GALNT17: variants seen among roughly 807,000 people sequenced by gnomAD.
GALNT17 encodes polypeptide N-acetylgalactosaminyltransferase 17.
Under a neutral mutation model 63.7 loss-of-function variants are expected in GALNT17, and 29 were observed. The observed-to-expected ratio is 0.46, with a 90% CI of 0.34 to 0.62. GALNT17 has a LOEUF of 0.62. GALNT17 is among the 20% of genes least tolerant of loss of function. The pLI is 0.01. For missense variants in GALNT17, 603 were observed against 799.6 expected, an observed-to-expected ratio of 0.75 and a Z score of 2.97; for synonymous variants, 305 against 318.3, an observed-to-expected ratio of 0.96 and a Z score of 0.45.
At chr7:71,151,260 G>A (rs1186491892) in intron 1 of GALNT17, among the ~76,000 whole-genome samples, 1 of 152,206 alleles carries the variant, frequency 6.6e-6, no homozygotes, top group Non-Finnish European at 1.5e-5. Flanking sequence ...GGGGGATGGT[G>A]AGATGGTTGG....
intron 6 of GALNT17, among the ~76,000 whole-genome samples, chr7:71,636,819 T>C (rs372471742): frequency 5.9e-5 from 9 of 152,260 alleles, no homozygotes; most frequent in Admixed American, 5.9e-4. Flanking sequence ...GGTTTTGCCA[T>C]GTGAGTGCAG....
At chr7:71,484,110 T>C (rs1015430270) in intron 5 of GALNT17, among the ~76,000 whole-genome samples, 1 of 152,184 alleles carries the variant, frequency 6.6e-6, no homozygotes, top group African/African-American at 2.4e-5. Flanking sequence ...TTTGTATAAA[T>C]AGAAGGAACA....
At chr7:71,481,262 C>G (rs1416856019) in intron 5 of GALNT17, among the ~76,000 whole-genome samples, 2 of 152,108 alleles carry the variant, frequency 1.3e-5, no homozygotes. Flanking sequence ...GCCTGGCCAA[C>G]ATGGTGAAAC....
chr7:71,432,653 G>T (rs1030111826), intron 5 of GALNT17, among the ~76,000 whole-genome samples: 1 of 152,126 alleles, frequency 6.6e-6, no homozygotes, highest in Non-Finnish European at 1.5e-5. Context: ...GATACTGAAG[G>T]TGGGAAATAT....
At chr7:71,514,812 C>T (rs1373747085) in intron 5 of GALNT17, among the ~76,000 whole-genome samples, 2 of 152,158 alleles carry the variant, frequency 1.3e-5, no homozygotes, top group Admixed American at 6.5e-5. Flanking sequence ...AGAGCCTGAC[C>T]ACCTGATATG....
intron 5 of GALNT17, among the ~76,000 whole-genome samples, chr7:71,537,674 T>C (rs1788823014): frequency 6.6e-6 from 1 of 151,832 alleles, no homozygotes; most frequent in Non-Finnish European, 1.5e-5. Flanking sequence ...TAGCCAGGCG[T>C]TGGTGGCACG....
chr7:71,452,325 C>A (rs1787277027), intron 5 of GALNT17, among the ~76,000 whole-genome samples: 1 of 151,720 alleles, frequency 6.6e-6, no homozygotes, highest in Non-Finnish European at 1.5e-5. Context: ...GTGGGAGGAT[C>A]ACTTGAGGTC....
intron 6 of GALNT17, among the ~76,000 whole-genome samples, chr7:71,651,026 G>A (rs1293315871): frequency 6.6e-6 from 1 of 152,072 alleles, no homozygotes; most frequent in Non-Finnish European, 1.5e-5. Context: ...GCATCAGGCT[G>A]GGTGCTGGGA....
intron 2 of GALNT17, among the ~76,000 whole-genome samples, chr7:71,354,335 TTAAG>T (rs1432409095): frequency 2.0e-5 from 3 of 152,210 alleles, no homozygotes; most frequent in East Asian, 3.9e-4. Context: ...GTGTTTCTCA[TTAAG>T]TAAGATGCTA....
chr7:71,543,822 T>G (rs1788934316), intron 5 of GALNT17, among the ~76,000 whole-genome samples: 1 of 151,420 alleles, frequency 6.6e-6, no homozygotes, highest in South Asian at 2.1e-4. Context: ...AGATGGAGTC[T>G]TGTTCTGTTG....
chr7:71,372,744 T>G (rs1792647877), intron 2 of GALNT17, among the ~76,000 whole-genome samples: 1 of 152,266 alleles, frequency 6.6e-6, no homozygotes, highest in Non-Finnish European at 1.5e-5. Flanking sequence ...TGTGAGCCAC[T>G]GCCCCCGGCC....
intron 1 of GALNT17, among the ~76,000 whole-genome samples, chr7:71,245,215 A>T (rs1392339337): frequency 6.6e-6 from 1 of 152,122 alleles, no homozygotes; most frequent in African/African-American, 2.4e-5. Context: ...CGACAATAAT[A>T]TGACTGAAGT....
intron 5 of GALNT17, among the ~76,000 whole-genome samples, chr7:71,457,944 A>G (rs1256430377): frequency 6.6e-6 from 1 of 152,160 alleles, no homozygotes; most frequent in Non-Finnish European, 1.5e-5. Flanking sequence ...CATTTTATCC[A>G]GAACAGCAGG....
At chr7:71,245,578 G>GT (rs1791355774) in intron 1 of GALNT17, among the ~76,000 whole-genome samples, 1 of 152,142 alleles carries the variant, frequency 6.6e-6, no homozygotes, top group South Asian at 2.1e-4. Flanking sequence ...ATCTCTGGGC[G>GT]TATGTGCAAC....
Position 71,133,009 on chromosome 7 carries a change from G to C in GALNT17, c.207G>C (p.Leu69=). The C allele has an allele frequency of 6.3e-7, 1 of 1,594,044 alleles. No individual in the cohort carries two copies. Among genetic ancestry groups the C allele is most frequent in the Non-Finnish European group, 8.5e-7 (1 of 1,171,006 alleles). Residue 69 remains leucine, a synonymous_variant, in exon 1 of 11, where the codon CTG becomes CTC. Transcript: ENST00000333538. ...ATGCGGTCCTGAAGCGCCTGTCGCT[G>C]CTGGAGGACATCGTGTACCGGCAGC... ...IQDAVLKRLS[L]LEDIVYRQLN...
At chr7:71,428,861 G>T (rs1289827269) in intron 5 of GALNT17, among the ~76,000 whole-genome samples, 2 of 152,208 alleles carry the variant, frequency 1.3e-5, no homozygotes, top group Non-Finnish European at 2.9e-5. Flanking sequence ...GGGCTCCCCT[G>T]TGTTCCAGAG....
At chr7:71,271,955 C>G (rs1322342701) in intron 1 of GALNT17, among the ~76,000 whole-genome samples, 4 of 152,142 alleles carry the variant, frequency 2.6e-5, no homozygotes, top group Non-Finnish European at 4.4e-5. Flanking sequence ...GATGGGGTCT[C>G]CCTATGTTGG....
chr7:71,397,576 G>T (rs1006747463), intron 3 of GALNT17, among the ~76,000 whole-genome samples: 3 of 152,204 alleles, frequency 2.0e-5, no homozygotes, highest in African/African-American at 7.2e-5. Flanking sequence ...AGGTACATTT[G>T]CAGGAGCAGT....
At chr7:71,158,386 C>G (rs915577344) in intron 1 of GALNT17, among the ~76,000 whole-genome samples, 4 of 151,234 alleles carry the variant, frequency 2.6e-5, no homozygotes, top group Non-Finnish European at 1.5e-5. Context: ...TGAGATGTTT[C>G]TTTTCTTTCT....
Sources: gnomAD v4.1 joint callset for allele counts (sites outside exome capture counted in the v4.1 genomes callset) on GRCh38, gnomAD v4.1.1 for gene constraint, MANE v1.5 for transcripts, NCBI Gene and HGNC (gene_info 2026-07-23, HGNC 2026-07-21) for gene names.